Variants in R3HDM2 observed in about 807,000 individuals in gnomAD.
R3HDM2 encodes the protein R3H domain containing 2.
A neutral mutation model predicts 124.5 loss-of-function variants in R3HDM2; 38 were observed. The observed-to-expected ratio is 0.31, with a 90% confidence interval of 0.24 to 0.40. The LOEUF is 0.40. Ranked by LOEUF, R3HDM2 falls within the 10% of genes least tolerant of loss-of-function variation. The probability of loss-of-function intolerance (pLI) is 1.00; values close to 1 mark genes in which losing one functional copy is unlikely to be tolerated. For synonymous variants in R3HDM2, 391 were observed against 448.0 expected, an observed-to-expected ratio of 0.87 and a Z score of 1.61; for missense variants, 869 against 1,236.9, an observed-to-expected ratio of 0.70 and a Z score of 4.46.
intron 2 of R3HDM2, among the ~76,000 whole-genome samples, chr12:57,327,691 A>G (rs542311833): frequency 6.6e-6 from 1 of 152,314 alleles, no homozygotes; most frequent in South Asian, 2.1e-4. Context: ...GAGGGGTTCA[A>G]GACTTTAGTG....
At chr12:57,386,373 G>C (rs1380667165) in intron 2 of R3HDM2, among the ~76,000 whole-genome samples, 2 of 152,258 alleles carry the variant, frequency 1.3e-5, no homozygotes, top group Non-Finnish European at 2.9e-5. Context: ...CGAGTTCCGG[G>C]TGGGAGTGGG....
At chr12:57,298,025 G>A (rs1323257242) in intron 7 of R3HDM2, 65 bp downstream of exon 7, 28 of 1,191,596 alleles carry the variant, frequency 2.3e-5, no homozygotes, top group African/African-American at 6.1e-5. Context: ...CTGGGAAGCC[G>A]TTTGGCCTCT....
At chr12:57,336,993 T>A (rs1483871706) in intron 2 of R3HDM2, among the ~76,000 whole-genome samples, 3 of 152,184 alleles carry the variant, frequency 2.0e-5, no homozygotes, top group African/African-American at 7.2e-5. Context: ...AAAGTCTAGA[T>A]CTCATGTGTT....
chr12:57,376,019 A>G (rs1484389351), intron 2 of R3HDM2, among the ~76,000 whole-genome samples: 1 of 152,206 alleles, frequency 6.6e-6, no homozygotes. Flanking sequence ...GTAAGCCATC[A>G]TCTCATTCTG....
intron 2 of R3HDM2, among the ~76,000 whole-genome samples, chr12:57,336,084 GTT>G (rs559043957): frequency 7.1e-6 from 1 of 140,582 alleles, no homozygotes. Context: ...CTCATTGTGG[GTT>G]TTTTTTTTTT....
chr12:57,410,238 C>G (rs2068883746), intron 1 of R3HDM2, among the ~76,000 whole-genome samples: 1 of 149,190 alleles, frequency 6.7e-6, no homozygotes, highest in Non-Finnish European at 1.5e-5. Context: ...TTCCTTTTAT[C>G]TGCCATTTCT....
chr12:57,307,988 C>T (rs2053072983), intron 3 of R3HDM2, among the ~76,000 whole-genome samples: 1 of 151,806 alleles, frequency 6.6e-6, no homozygotes. Flanking sequence ...GGAGTCAAGT[C>T]AGAGAGGAGG....
chr12:57,328,769 C>T lies in R3HDM2; in HGVS notation c.-35-18306G>A, dbSNP rs983250987. 3.9e-5 allele frequency among the ~76,000 whole-genome samples: 6 copies of T among 152,272 alleles called. No homozygotes were observed. The East Asian group carries it at 1.2e-3, about 29-fold the overall frequency. On this transcript the variant is annotated intron_variant, in intron 2 of 23. Transcript: ENST00000402412. Reference sequence around the variant, plus strand: ...GACAATGCTATTGCACCTGGCTCAGCTTCCCAAAGTGCTGGGATTACAGGC... The same window carrying T: ...GACAATGCTATTGCACCTGGCTCAGTTTCCCAAAGTGCTGGGATTACAGGC...
intron 2 of R3HDM2, among the ~76,000 whole-genome samples, chr12:57,393,264 C>T (rs1015676976): frequency 6.6e-5 from 10 of 152,074 alleles, no homozygotes; most frequent in East Asian, 1.9e-4. Context: ...CCAATATGCC[C>T]GGCTAATTTT....
At chr12:57,334,023 C>A (rs1016466782) in intron 2 of R3HDM2, among the ~76,000 whole-genome samples, 22 of 151,014 alleles carry the variant, frequency 1.5e-4, no homozygotes, top group Admixed American at 8.6e-4. Context: ...TGGGACAGAG[C>A]GAGACTCCGT....
At chr12:57,278,719 T>G (rs2045434665) in intron 14 of R3HDM2, among the ~76,000 whole-genome samples, 1 of 152,090 alleles carries the variant, frequency 6.6e-6, no homozygotes, top group African/African-American at 2.4e-5. Flanking sequence ...AACAAGAAAG[T>G]TAGGACTATA....
At position 57,371,083 on chromosome 12, in the gene R3HDM2, C is replaced by CTTT. The variant is rs775839017; in HGVS notation, c.-36+24663_-36+24665dup. The stretch of plus-strand genomic sequence containing the variant: ...AATGGGAACCAAATATATACCATTA[C>CTTT]TTTTTTTTTTTTTTTTTTTTTTTTT... On this transcript the variant is annotated intron_variant, in intron 2 of 23. Coordinates refer to ENST00000402412, the MANE Select transcript of R3HDM2 (RefSeq NM_001394031.1). Among the ~76,000 whole-genome samples the CTTT allele has an allele frequency of 7.6e-4, 31 of 40,896 alleles. 5 individuals are homozygous for CTTT. Among genetic ancestry groups the CTTT allele is most frequent in the African/African-American group, 1.9e-3 (22 of 11,692 alleles). The allele number at this position is 40,896 out of a possible 152,430, so 26.8% of individuals were successfully genotyped here.
intron 2 of R3HDM2, among the ~76,000 whole-genome samples, chr12:57,372,973 C>T (rs1392527974): frequency 6.6e-6 from 1 of 152,176 alleles, no homozygotes; most frequent in Non-Finnish European, 1.5e-5. Flanking sequence ...TGGCAGGAGG[C>T]CAAAGTGGGA....
chr12:57,297,046 T>C, intron 8 of R3HDM2: 1 of 302,988 alleles, frequency 3.3e-6, no homozygotes, highest in South Asian at 5.1e-5. Flanking sequence ...AAAGAAAGAC[T>C]GTCTCAAAAA....
intron 2 of R3HDM2, among the ~76,000 whole-genome samples, chr12:57,361,006 G>T (rs1479603971): frequency 8.2e-6 from 1 of 122,042 alleles, no homozygotes; most frequent in Non-Finnish European, 1.6e-5. Context: ...GAGCGGAGAT[G>T]CACCACTGCC....
At chr12:57,411,427 G>T (rs2068993341) in intron 1 of R3HDM2, among the ~76,000 whole-genome samples, 1 of 152,182 alleles carries the variant, frequency 6.6e-6, no homozygotes, top group African/African-American at 2.4e-5. Context: ...GCCTCCTAAA[G>T]TGTTGGGATT....
At chr12:57,326,626 A>G (rs1206894696) in intron 2 of R3HDM2, among the ~76,000 whole-genome samples, 4 of 152,240 alleles carry the variant, frequency 2.6e-5, no homozygotes, top group African/African-American at 9.6e-5. Context: ...AGCAAATTAT[A>G]TAGAAGATCT....
intron 2 of R3HDM2, among the ~76,000 whole-genome samples, chr12:57,328,766 C>T (rs1386788301): frequency 1.3e-5 from 2 of 152,122 alleles, no homozygotes; most frequent in Admixed American, 1.3e-4. Context: ...GCACCTGGCT[C>T]AGCTTCCCAA....
intron 2 of R3HDM2, among the ~76,000 whole-genome samples, chr12:57,360,807 G>A (rs1231235837): frequency 6.6e-6 from 1 of 152,192 alleles, no homozygotes; most frequent in Non-Finnish European, 1.5e-5. Flanking sequence ...TGTAATCCCA[G>A]CATTTTGGGA....
Sources: allele counts gnomAD v4.1 joint callset (sites outside exome capture counted in the v4.1 genomes callset), GRCh38; gene constraint gnomAD v4.1.1; transcripts MANE v1.5; gene names NCBI Gene and HGNC (gene_info 2026-07-23, HGNC 2026-07-21).